The following AUTS2 variants were observed in gnomAD, a reference collection of about 807,000 sequenced individuals.
The protein encoded by AUTS2 is autism susceptibility gene 2 protein.
In AUTS2, 17 loss-of-function variants were observed where a neutral mutation model predicts 112.4. The ratio of observed to expected loss-of-function variants is 0.15; its 90% CI spans 0.10 to 0.23. The LOEUF (loss-of-function observed/expected upper bound fraction) is 0.23. AUTS2 is among the 10% of genes least tolerant of loss of function. AUTS2 has a pLI of 1.00. For synonymous variants in AUTS2, 751 were observed against 702.7 expected (o/e 1.07, Z -1.09); for missense variants, 1,510 against 1,701.6 (o/e 0.89, Z 1.98).
intron 4 of AUTS2, among the ~76,000 whole-genome samples, chr7:70,409,782 G>C (rs1248327912): frequency 6.6e-6 from 1 of 152,186 alleles, no homozygotes; most frequent in Non-Finnish European, 1.5e-5. Flanking sequence ...GTGTGACTTA[G>C]TGATTGGAGA....
At chr7:70,718,982 G>A (rs537938181) in intron 6 of AUTS2, among the ~76,000 whole-genome samples, 1 of 141,032 alleles carries the variant, frequency 7.1e-6, no homozygotes, top group Non-Finnish European at 1.6e-5. Flanking sequence ...ATCATCCAAG[G>A]TTTTTCAGTT....
intron 4 of AUTS2, among the ~76,000 whole-genome samples, chr7:70,331,780 T>C (rs1474923998): frequency 6.6e-6 from 1 of 152,188 alleles, no homozygotes; most frequent in Non-Finnish European, 1.5e-5. Flanking sequence ...CCCTTCATGC[T>C]GAAAACTCTC....
At chr7:69,656,257 C>T (rs1004426068) in intron 1 of AUTS2, among the ~76,000 whole-genome samples, 1 of 152,228 alleles carries the variant, frequency 6.6e-6, no homozygotes, top group Non-Finnish European at 1.5e-5. Context: ...CAGCTGACCC[C>T]TAGATCTCCT....
At position 69,887,185 on chromosome 7, in the gene AUTS2, G is replaced by A. The variant is rs531736734; in HGVS notation, c.310-12101G>A. ...TCCCAGCACTTTGGGAAGCCGAGGC[G>A]GGTGGGTCACTTGAGGTCAGGAGTT... is the stretch of plus-strand genomic sequence containing the variant. On this transcript the variant is annotated intron_variant, in intron 1 of 18. Transcript: ENST00000342771. Among the ~76,000 whole-genome samples the A allele has an allele frequency of 2.2e-4, 33 of 152,192 alleles. No homozygotes were observed. In the East Asian group the frequency reaches 2.9e-3, roughly 13 times the overall value.
chr7:70,312,715 G>T (rs1371542993), intron 4 of AUTS2, among the ~76,000 whole-genome samples: 2 of 152,184 alleles, frequency 1.3e-5, no homozygotes, highest in East Asian at 1.9e-4. Context: ...TACTTCAAGG[G>T]TCTAGGACAG....
intron 1 of AUTS2, among the ~76,000 whole-genome samples, chr7:69,870,094 A>T (rs1793415244): frequency 6.6e-6 from 1 of 152,142 alleles, no homozygotes; most frequent in African/African-American, 2.4e-5. Context: ...TTTAGAATTC[A>T]AAAGCCTTTA....
At chr7:70,070,862 A>G (rs1802729723) in intron 2 of AUTS2, among the ~76,000 whole-genome samples, 1 of 146,170 alleles carries the variant, frequency 6.8e-6, no homozygotes, top group East Asian at 2.1e-4. Context: ...CGGGCGACAC[A>G]GGGAGACTCC....
At chr7:70,305,397 C>T (rs1346466045) in intron 4 of AUTS2, among the ~76,000 whole-genome samples, 1 of 152,072 alleles carries the variant, frequency 6.6e-6, no homozygotes, top group East Asian at 1.9e-4. Context: ...AGACATTTAA[C>T]CATATAATAT....
intron 1 of AUTS2, among the ~76,000 whole-genome samples, chr7:69,666,161 T>C (rs1796024737): frequency 1.3e-5 from 2 of 152,232 alleles, no homozygotes; most frequent in Non-Finnish European, 1.5e-5. Context: ...TGTGTACATA[T>C]ATTTACACAT....
rs141054166 is a variant in AUTS2, at chr7:69,720,323, A to G, written c.309+120361A>G. ...AACCCTTGAGGGTTATAGGCTTTCA[A>G]ATTGGTGGTGGTTAAATATAATATT... On this transcript the variant is annotated intron_variant, in intron 1 of 18. Coordinates refer to ENST00000342771, the MANE Select transcript of AUTS2 (RefSeq NM_015570.4). Among the ~76,000 whole-genome samples, 1,235 of 152,286 alleles carry G rather than the reference A, an allele frequency of 8.1e-3. 8 individuals are homozygous for G. Among genetic ancestry groups the G allele is most frequent in the Non-Finnish European group, 0.013 (882 of 68,020 alleles).
chr7:70,784,119 T>C (rs1407732031), intron 15 of AUTS2: 1 of 152,226 alleles, frequency 6.6e-6, no homozygotes, highest in African/African-American at 2.4e-5. Flanking sequence ...GAGTCAGTTA[T>C]AAGATTTTCA....
chr7:70,509,516 A>G (rs1276241717), intron 5 of AUTS2, among the ~76,000 whole-genome samples: 5 of 152,214 alleles, frequency 3.3e-5, no homozygotes, highest in African/African-American at 2.4e-5. Context: ...TAACAGTTCT[A>G]GAATATAGGG....
intron 4 of AUTS2, among the ~76,000 whole-genome samples, chr7:70,352,744 T>A (rs988580948): frequency 6.6e-6 from 1 of 152,164 alleles, no homozygotes; most frequent in African/African-American, 2.4e-5. Flanking sequence ...AAAAACATTT[T>A]AAATGAAATG....
intron 1 of AUTS2, among the ~76,000 whole-genome samples, chr7:69,845,512 G>A (rs946908410): frequency 2.0e-5 from 3 of 152,162 alleles, no homozygotes; most frequent in African/African-American, 7.2e-5. Context: ...TGAAGTAAAG[G>A]TGCATAAAAT....
At chr7:70,097,546 C>A (rs1229405553) in intron 2 of AUTS2, among the ~76,000 whole-genome samples, 1 of 152,164 alleles carries the variant, frequency 6.6e-6, no homozygotes, top group Non-Finnish European at 1.5e-5. Context: ...TTTCATTCTC[C>A]CTACTTTGTC....
chr7:70,781,692 T>C lies in AUTS2; in HGVS notation c.2082T>C (p.Ser694=). 6.2e-7 allele frequency: 1 copy of C among 1,614,160 alleles called. No homozygotes were observed. The highest frequency in any genetic ancestry group is 1.1e-5 in the South Asian group (1 of 91,076). The change falls in exon 15 of 19, where the codon AGT becomes AGC. Residue 694 remains serine (S), a synonymous_variant. Coordinates refer to ENST00000342771, the MANE Select transcript of AUTS2 (RefSeq NM_015570.4). ...PEFLSRPPGP[S]LFGAIHHPHD... Reference sequence around the variant, plus strand: ...TCCTGAGCCGCCCTCCAGGCCCCAGTCTTTTTGGAGCCATCCACCACCCCC... The same window carrying C: ...TCCTGAGCCGCCCTCCAGGCCCCAGCCTTTTTGGAGCCATCCACCACCCCC...
At chr7:70,740,281 A>G (rs997557502) in intron 6 of AUTS2, among the ~76,000 whole-genome samples, 6 of 152,320 alleles carry the variant, frequency 3.9e-5, no homozygotes, top group African/African-American at 1.4e-4. Context: ...TCAGGTTTCA[A>G]TTGTGGGACC....
chr7:69,734,769 A>T (rs1339432684), intron 1 of AUTS2, among the ~76,000 whole-genome samples: 1 of 151,994 alleles, frequency 6.6e-6, no homozygotes, highest in Non-Finnish European at 1.5e-5. Context: ...TAATGCCAGG[A>T]TTCATTTCTG....
At chr7:70,100,623 C>A (rs1447881434) in intron 2 of AUTS2, among the ~76,000 whole-genome samples, 2 of 151,888 alleles carry the variant, frequency 1.3e-5, no homozygotes, top group East Asian at 3.9e-4. Context: ...GTTCCCCTCC[C>A]TGTGTCCATG....
Sources: gnomAD v4.1 joint callset for allele counts (sites outside exome capture counted in the v4.1 genomes callset) on GRCh38, gnomAD v4.1.1 for gene constraint, MANE v1.5 for transcripts, NCBI Gene and HGNC (gene_info 2026-07-23, HGNC 2026-07-21) for gene names.